Variants in VPS13B observed in about 807,000 individuals in gnomAD.
The protein encoded by VPS13B is intermembrane lipid transfer protein VPS13B.
A neutral mutation model predicts 426.4 loss-of-function variants in VPS13B; 285 were observed. That is an observed-to-expected ratio of 0.67 (90% CI 0.61 to 0.74). The LOEUF (loss-of-function observed/expected upper bound fraction) is 0.74. VPS13B is among the 30% of genes least tolerant of loss of function. The probability of loss-of-function intolerance (pLI) is 0.00; values close to 1 mark genes in which losing one functional copy is unlikely to be tolerated. For synonymous variants in VPS13B, 1,676 were observed against 1,676.4 expected (o/e 1.00, Z 0.01); for missense variants, 4,537 against 4,782.6 (o/e 0.95, Z 1.51).
chr8:99,161,656 G>C (rs1276468816), intron 15 of VPS13B, among the ~76,000 whole-genome samples: 5 of 151,748 alleles, frequency 3.3e-5, no homozygotes, highest in Non-Finnish European at 7.4e-5. Flanking sequence ...GTCTCAGGAA[G>C]TAAGGTGTTA....
intron 34 of VPS13B, among the ~76,000 whole-genome samples, chr8:99,656,072 CT>C (rs1267820566): frequency 9.9e-5 from 15 of 152,188 alleles, no homozygotes; most frequent in African/African-American, 3.6e-4. Context: ...TGAATCTTCT[CT>C]TTAGGTATTC....
intron 18 of VPS13B, among the ~76,000 whole-genome samples, chr8:99,274,839 T>G (rs929530874): frequency 1.3e-5 from 2 of 152,122 alleles, no homozygotes; most frequent in African/African-American, 4.8e-5. Context: ...TAGAAGACAG[T>G]GTGTTTAGTT....
intron 33 of VPS13B, among the ~76,000 whole-genome samples, chr8:99,640,432 A>G (rs1588578159): frequency 6.6e-6 from 1 of 151,834 alleles, no homozygotes; most frequent in East Asian, 1.9e-4. Flanking sequence ...AGGCCTGGCT[A>G]ATTCTTCATA....
intron 23 of VPS13B, among the ~76,000 whole-genome samples, chr8:99,463,571 A>C (rs1281226789): frequency 6.6e-6 from 1 of 152,188 alleles, no homozygotes; most frequent in Non-Finnish European, 1.5e-5. Context: ...TATGCCTTTC[A>C]ACTGTCTTCC....
intron 36 of VPS13B, among the ~76,000 whole-genome samples, chr8:99,705,264 TG>T (rs1832453306): frequency 6.6e-6 from 1 of 152,132 alleles, no homozygotes; most frequent in Admixed American, 6.6e-5. Context: ...TTCTAAAAAT[TG>T]GCTGGGAAAT....
intron 8 of VPS13B, among the ~76,000 whole-genome samples, chr8:99,123,756 A>T (rs917148998): frequency 4.0e-5 from 6 of 149,058 alleles, no homozygotes; most frequent in Admixed American, 4.0e-4. Flanking sequence ...GACATGAATG[A>T]AAAAAAAAAG....
intron 17 of VPS13B, among the ~76,000 whole-genome samples, chr8:99,200,125 A>G (rs923695217): frequency 6.6e-6 from 1 of 152,210 alleles, no homozygotes; most frequent in African/African-American, 2.4e-5. Context: ...TGGATGCTTC[A>G]TATAAATGAA....
chr8:99,130,753 A>G (rs1351886378), intron 8 of VPS13B, among the ~76,000 whole-genome samples: 1 of 152,168 alleles, frequency 6.6e-6, no homozygotes, highest in Non-Finnish European at 1.5e-5. Flanking sequence ...GATCAATTTA[A>G]AAAAATTCAA....
chr8:99,216,607 A>G (rs926431632), intron 17 of VPS13B, among the ~76,000 whole-genome samples: 3 of 151,562 alleles, frequency 2.0e-5, no homozygotes, highest in African/African-American at 4.8e-5. Flanking sequence ...TGAGAATTAT[A>G]TATTTAATAA....
chr8:99,492,265 A>G (rs1172490865), intron 25 of VPS13B, among the ~76,000 whole-genome samples: 4 of 152,182 alleles, frequency 2.6e-5, no homozygotes, highest in Non-Finnish European at 5.9e-5. Context: ...ATCCGCCTGT[A>G]TGAGGTGTCT....
intron 30 of VPS13B, among the ~76,000 whole-genome samples, chr8:99,543,923 G>A (rs1243134003): frequency 4.6e-4 from 65 of 142,332 alleles, no homozygotes; most frequent in African/African-American, 1.6e-3. Context: ...CAGGGATCTA[G>A]AACTAGAAAT....
chr8:99,015,146 G>A (rs916540940), intron 2 of VPS13B, among the ~76,000 whole-genome samples: 5 of 151,560 alleles, frequency 3.3e-5, no homozygotes, highest in African/African-American at 1.2e-4. Flanking sequence ...TTAGTTGAGT[G>A]GCTTAATATT....
intron 19 of VPS13B, among the ~76,000 whole-genome samples, chr8:99,322,766 A>C (rs1050238340): frequency 1.3e-5 from 2 of 152,178 alleles, no homozygotes; most frequent in Non-Finnish European, 2.9e-5. Context: ...GAATTTAAGG[A>C]AGTTGGAATG....
In VPS13B at chr8:99,308,972, G is replaced by A. The variant is rs148262472; in HGVS notation, c.2824+33718G>A. ...TTTCATGTGTCTGTGGGCTGCATAC[G>A]TGTCTTCTTTTGAGAAGTGTCTGTT... On this transcript the variant is annotated intron_variant, in intron 19 of 61. Coordinates refer to ENST00000357162, the MANE Select transcript of VPS13B (RefSeq NM_152564.5). Among the ~76,000 whole-genome samples, 751 of 152,176 alleles carry A rather than the reference G, an allele frequency of 4.9e-3. 11 individuals carry two copies. The highest frequency in any genetic ancestry group is 0.017 in the African/African-American group (686 of 41,520).
intron 19 of VPS13B, among the ~76,000 whole-genome samples, chr8:99,319,283 G>T (rs1809849379): frequency 6.6e-6 from 1 of 152,148 alleles, no homozygotes; most frequent in African/African-American, 2.4e-5. Flanking sequence ...AGCCGTGAGT[G>T]ATGTGATTTT....
At chr8:99,374,953 C>G (rs1316847538) in intron 19 of VPS13B, among the ~76,000 whole-genome samples, 1 of 152,182 alleles carries the variant, frequency 6.6e-6, no homozygotes, top group East Asian at 1.9e-4. Flanking sequence ...CTTCCTGGTA[C>G]TCAGTTTAAG....
intron 7 of VPS13B, among the ~76,000 whole-genome samples, chr8:99,116,153 A>G (rs1413704483): frequency 6.6e-6 from 1 of 151,436 alleles, no homozygotes; most frequent in African/African-American, 2.4e-5. Flanking sequence ...TCAGCCTCCC[A>G]AGTAGCTGGG....
chr8:99,128,395 A>C (rs1201543333), intron 8 of VPS13B, among the ~76,000 whole-genome samples: 5 of 118,534 alleles, frequency 4.2e-5, no homozygotes, highest in African/African-American at 1.6e-4. Flanking sequence ...CCAAAAAAAA[A>C]AAAAAAAAAA....
chr8:99,146,247 GT>G (rs1563567207), intron 13 of VPS13B, among the ~76,000 whole-genome samples: 1 of 152,112 alleles, frequency 6.6e-6, no homozygotes, highest in African/African-American at 2.4e-5. Context: ...TTAGATAGGG[GT>G]TTATTTATGT....
Sources: gnomAD v4.1 joint callset for allele counts (sites outside exome capture counted in the v4.1 genomes callset) on GRCh38, gnomAD v4.1.1 for gene constraint, MANE v1.5 for transcripts, NCBI Gene and HGNC (gene_info 2026-07-23, HGNC 2026-07-21) for gene names.